Variants in DLGAP2 observed in about 807,000 individuals in gnomAD.
DLGAP2 encodes disks large-associated protein 2.
A neutral mutation model predicts 100.3 loss-of-function variants in DLGAP2; 26 were observed. That is an observed-to-expected ratio of 0.26 (90% CI 0.19 to 0.36). The LOEUF (loss-of-function observed/expected upper bound fraction) is 0.36, where lower values mean the gene tolerates loss of function less well. DLGAP2 is among the 10% of genes least tolerant of loss of function. The probability of loss-of-function intolerance (pLI) is 1.00; values close to 1 mark genes in which losing one functional copy is unlikely to be tolerated. For synonymous variants in DLGAP2, 886 were observed against 630.1 expected, an observed-to-expected ratio of 1.41 and a Z score of -6.08; for missense variants, 1,858 against 1,453.2, an observed-to-expected ratio of 1.28 and a Z score of -4.53.
At chr8:1,610,572 AC>A (rs1198416719) in intron 6 of DLGAP2, among the ~76,000 whole-genome samples, 149 of 137,466 alleles carry the variant, frequency 1.1e-3, no homozygotes, top group Admixed American at 3.4e-3. Flanking sequence ...GACACAAAAA[AC>A]CCTTCAAAAA....
At chr8:1,055,217 C>T (rs778076955) in intron 2 of DLGAP2, among the ~76,000 whole-genome samples, 13 of 152,306 alleles carry the variant, frequency 8.5e-5, no homozygotes, top group Non-Finnish European at 1.2e-4. Flanking sequence ...ATTCTCTAAA[C>T]ATAAAGCGCT....
At chr8:1,231,943 G>A (rs1298398548) in intron 2 of DLGAP2, among the ~76,000 whole-genome samples, 1 of 152,048 alleles carries the variant, frequency 6.6e-6, no homozygotes. Flanking sequence ...ATGTACCCCT[G>A]AATGTAAAAT....
At chr8:1,146,123 C>T (rs1040687675) in intron 2 of DLGAP2, among the ~76,000 whole-genome samples, 7 of 152,174 alleles carry the variant, frequency 4.6e-5, no homozygotes, top group South Asian at 2.1e-4. Context: ...GCCAGGAGGG[C>T]GCCTGCCACA....
intron 3 of DLGAP2, among the ~76,000 whole-genome samples, chr8:1,355,143 C>T (rs138808599): frequency 5.9e-5 from 9 of 152,338 alleles, no homozygotes; most frequent in African/African-American, 1.9e-4. Context: ...TTTTAAGTGG[C>T]AAAGCCGAGC....
At chr8:885,071 C>T (rs1011519494) in intron 1 of DLGAP2, among the ~76,000 whole-genome samples, 5 of 152,146 alleles carry the variant, frequency 3.3e-5, no homozygotes, top group African/African-American at 1.2e-4. Flanking sequence ...AGCATGATGC[C>T]ACCAGCTTTC....
intron 2 of DLGAP2, among the ~76,000 whole-genome samples, chr8:958,357 G>A (rs893461157): frequency 2.0e-5 from 3 of 152,052 alleles, no homozygotes; most frequent in Non-Finnish European, 4.4e-5. Context: ...AGTGGACACT[G>A]GGGCATGAGT....
intron 2 of DLGAP2, among the ~76,000 whole-genome samples, chr8:1,206,211 G>C (rs1001385818): frequency 4.9e-4 from 74 of 152,278 alleles, no homozygotes; most frequent in African/African-American, 1.8e-3. Context: ...TGATGTTGGG[G>C]TGTTTGAGCA....
intron 2 of DLGAP2, among the ~76,000 whole-genome samples, chr8:1,185,151 G>A (rs1797472755): frequency 6.6e-6 from 1 of 152,174 alleles, no homozygotes; most frequent in South Asian, 2.1e-4. Flanking sequence ...CATAACTGTT[G>A]AACACGTGCC....
chr8:906,962 G>C (rs1798393987), intron 1 of DLGAP2, among the ~76,000 whole-genome samples: 1 of 152,208 alleles, frequency 6.6e-6, no homozygotes, highest in Non-Finnish European at 1.5e-5. Context: ...TTGGCGGGGA[G>C]AGGGGGGATG....
At chr8:1,090,092 G>C (rs2600503) in intron 2 of DLGAP2, among the ~76,000 whole-genome samples, 125,347 of 134,610 alleles carry the variant, frequency 0.93, 58,569 homozygotes, top group African/African-American at 0.95. Flanking sequence ...GCCCTCCTGG[G>C]CAGACAGGGG....
At chr8:987,286 G>A (rs1251932949) in intron 2 of DLGAP2, among the ~76,000 whole-genome samples, 4 of 152,140 alleles carry the variant, frequency 2.6e-5, no homozygotes, top group African/African-American at 4.8e-5. Flanking sequence ...GGTGAGCTCA[G>A]CTGCAGGTTT....
chr8:1,260,483 G>A (rs1799323570), intron 3 of DLGAP2, among the ~76,000 whole-genome samples: 1 of 152,164 alleles, frequency 6.6e-6, no homozygotes, highest in Non-Finnish European at 1.5e-5. Context: ...GCCACTTACT[G>A]CTGTCATAAA....
chr8:1,105,157 G>A (rs959274628), intron 2 of DLGAP2: 1 of 152,226 alleles, frequency 6.6e-6, no homozygotes, highest in African/African-American at 2.4e-5. Flanking sequence ...CTGAGATTTC[G>A]GAGTGATGAT....
chr8:1,191,462 G>T (rs369749159), intron 2 of DLGAP2, among the ~76,000 whole-genome samples: 2 of 152,134 alleles, frequency 1.3e-5, no homozygotes, highest in African/African-American at 2.4e-5. Context: ...GAGCCACCGC[G>T]CCCAGCCGAT....
intron 2 of DLGAP2, among the ~76,000 whole-genome samples, chr8:921,952 T>C (rs1042831293): frequency 6.6e-6 from 1 of 152,148 alleles, no homozygotes; most frequent in Non-Finnish European, 1.5e-5. Context: ...CCTTATCCTA[T>C]GGGTGGGAGC....
chr8:1,493,965 T>C (rs1389403372), intron 3 of DLGAP2, among the ~76,000 whole-genome samples: 1 of 152,160 alleles, frequency 6.6e-6, no homozygotes, highest in African/African-American at 2.4e-5. Flanking sequence ...GGTGGGAACG[T>C]GTTGTATCTC....
At chr8:1,428,035 G>T (rs1450720500) in intron 3 of DLGAP2, among the ~76,000 whole-genome samples, 1 of 151,762 alleles carries the variant, frequency 6.6e-6, no homozygotes, top group African/African-American at 2.4e-5. Flanking sequence ...ATTGGAAAAT[G>T]ACAAGGAAAA....
chr8:1,282,680 C>T, intron 3 of DLGAP2, among the ~76,000 whole-genome samples: 1 of 137,880 alleles, frequency 7.3e-6, no homozygotes, highest in South Asian at 2.5e-4. Flanking sequence ...GACCTGAACC[C>T]AGCGCATGAA....
chr8:1,495,255 C>G (rs1023746732), intron 3 of DLGAP2, among the ~76,000 whole-genome samples: 1 of 152,084 alleles, frequency 6.6e-6, no homozygotes. Context: ...GCAGGAGAAG[C>G]GACACCAGAC....
Sources: gnomAD v4.1 joint callset for allele counts (sites outside exome capture counted in the v4.1 genomes callset) on GRCh38, gnomAD v4.1.1 for gene constraint, MANE v1.5 for transcripts, NCBI Gene and HGNC (gene_info 2026-07-23, HGNC 2026-07-21) for gene names.